Variants in GNRH2 observed in about 807,000 individuals in gnomAD.
GNRH2 encodes progonadoliberin-2.
GNRH2 carries 15 observed loss-of-function variants against 12.1 expected under a neutral mutation model. The ratio of observed to expected loss-of-function variants is 1.24; its 90% CI spans 0.83 to 1.90. GNRH2 has a LOEUF of 1.90. Among genes scored for constraint, GNRH2 ranks in the 40% most tolerant of loss-of-function variants. GNRH2 has a pLI of 0.00. For missense variants in GNRH2, 143 were observed against 141.4 expected (o/e 1.01, Z -0.06); for synonymous variants, 60 against 62.0 (o/e 0.97, Z 0.15).
At chr20:3,045,590 C>A in intron 3 of GNRH2, 96 bp from the exon 4 acceptor site, 1 of 1,054,502 alleles carries the variant, frequency 9.5e-7, no homozygotes, top group East Asian at 2.4e-5. Flanking sequence ...CACATGGGGA[C>A]TGGGGGGGAC....
intron 1 of GNRH2, 105 bp from the exon 2 acceptor site, chr20:3,044,302 TA>T (rs2065962357): frequency 4.7e-6 from 4 of 844,248 alleles, no homozygotes; most frequent in Non-Finnish European, 2.0e-6. Context: ...CATAAGGAGA[TA>T]CCAAAGCTGC....
chr20:3,044,591 G>A (rs2065967775), intron 2 of GNRH2, 23 bp downstream of exon 2: 1 of 1,612,232 alleles, frequency 6.2e-7, no homozygotes, highest in Non-Finnish European at 8.5e-7. Context: ...CAGCCTCATG[G>A]GGAGGAAGAA....
At position 3,044,473 on chromosome 20, in the gene GNRH2, C is replaced by G. The variant is rs1393800467; in HGVS notation, c.59C>G (p.Pro20Arg). The G allele has an allele frequency of 1.9e-5, 30 of 1,613,532 alleles. No homozygotes were observed. The highest frequency in any genetic ancestry group is 2.5e-5 in the Non-Finnish European group (30 of 1,179,700). ...CTGCTGCTGACTGCCCACCTTGGAC[C>G]CTCAGAGGCTCAGCACTGGTCCCAT... ...LLLLLTAHLG[P>R]SEAQHWSHGW... The change falls in exon 2 of 4, where the codon CCC (proline) becomes CGC (arginine). Residue 20 changes from proline (P) to arginine (R), a missense_variant. Transcript: ENST00000359100.
intron 2 of GNRH2, 46 bp downstream of exon 2, chr20:3,044,614 G>T (rs1458200169): frequency 6.2e-7 from 1 of 1,610,010 alleles, no homozygotes; most frequent in East Asian, 2.2e-5. Flanking sequence ...TGATGGCCGG[G>T]GGCTCCCCCA....
chr20:3,044,643 T>G, intron 2 of GNRH2, 57 bp from the exon 3 acceptor site: 1 of 1,607,374 alleles, frequency 6.2e-7, no homozygotes, highest in Non-Finnish European at 8.5e-7. Context: ...GAGCCTGAGG[T>G]CGGGGTAGGG....
Position 3,045,744 on chromosome 20 carries a change from C to T in GNRH2, c.*8C>T. 2 of 1,600,282 alleles carry T rather than the reference C, an allele frequency of 1.2e-6. No individual in the cohort carries two copies. Among genetic ancestry groups the T allele is most frequent in the Non-Finnish European group, 1.7e-6 (2 of 1,168,036 alleles). ...TCCTCCAATAAAGTGTGAGGTTCTCCGAAGCTGTTGCGTCGAGTTCTGTCC... is the reference window on the plus strand; with the variant it reads ...TCCTCCAATAAAGTGTGAGGTTCTCTGAAGCTGTTGCGTCGAGTTCTGTCC... On this transcript the variant is annotated 3_prime_UTR_variant, in exon 4 of 4. Transcript: ENST00000359100.
At position 3,044,847 on chromosome 20, in the gene GNRH2, TGA is replaced by T. The variant is rs767363584; in HGVS notation, c.291+15_291+16del. 2.5e-6 allele frequency: 4 copies of T among 1,591,940 alleles called. No homozygotes were observed. Among genetic ancestry groups the T allele is most frequent in the Non-Finnish European group, 3.4e-6 (4 of 1,163,794 alleles). ...GCACGGACACTGCTGGTGAGTAGGG[TGA>T]GAGGTCCCCAGCATCAAGACCAGCC... On this transcript the variant is annotated intron_variant, in intron 3 of 3. Coordinates refer to ENST00000359100, the MANE Select transcript of GNRH2 (RefSeq NM_178331.2).
chr20:3,043,987 G>T, intron 1 of GNRH2: 1 of 181,662 alleles, frequency 5.5e-6, no homozygotes. Flanking sequence ...CCCTAGCACT[G>T]GTGCTCCAAA....
intron 3 of GNRH2, among the ~76,000 whole-genome samples, chr20:3,045,344 GT>G (rs2065977561): frequency 6.6e-6 from 1 of 152,210 alleles, no homozygotes; most frequent in Non-Finnish European, 1.5e-5. Context: ...GTTTGCTACT[GT>G]TTTGCAAATC....
At position 3,045,693 on chromosome 20, in the gene GNRH2, C is replaced by A. The variant is rs1171266205; in HGVS notation, c.299C>A (p.Ala100Asp). 3 of 1,598,654 alleles carry A rather than the reference C, an allele frequency of 1.9e-6. No individual in the cohort carries two copies. The highest frequency in any genetic ancestry group is 1.3e-5 in the African/African-American group (1 of 74,420). The stretch of plus-strand genomic sequence containing the variant: ...CCACCTCTCCCTCCGCAGACCGCAG[C>A]CCGAGAGCCCCGCCCCGCCCCGCCA... ...RHLARTLLTA[A>D]REPRPAPPSS... The change falls in exon 4 of 4, where the codon GCC becomes GAC. Residue 100 changes from alanine (A) to aspartate (D), a missense_variant. By Grantham distance (126) the Ala-to-Asp change is moderately radical (BLOSUM62 -2). Coordinates refer to ENST00000359100, the MANE Select transcript of GNRH2 (RefSeq NM_178331.2).
At chr20:3,045,148 T>C (rs1350266534) in intron 3 of GNRH2, among the ~76,000 whole-genome samples, 1 of 152,128 alleles carries the variant, frequency 6.6e-6, no homozygotes, top group Non-Finnish European at 1.5e-5. Flanking sequence ...ACAGGCATCC[T>C]GACAAGCCAA....
At position 3,044,804 on chromosome 20, in the gene GNRH2, C is replaced by A; in HGVS notation, c.259C>A (p.His87Asn). The change falls in exon 3 of 4, where the codon CAC (histidine) becomes AAC (asparagine). Residue 87 changes from histidine (H) to asparagine (N), a missense_variant. By Grantham distance (68) the His-to-Asn change is moderately conservative. Transcript: ENST00000359100. ...EGRTTAQWSL[H>N]RKRHLARTLL... ...CAGGACCACGGCCCAGTGGTCCCTT[C>A]ACAGGAAGCGACACCTGGCACGGAC... 1.2e-6 allele frequency: 2 copies of A among 1,611,920 alleles called. No homozygotes were observed. Among genetic ancestry groups the A allele is most frequent in the Non-Finnish European group, 1.7e-6 (2 of 1,178,894 alleles).
At chr20:3,045,614 A>T (rs968015569) in intron 3 of GNRH2, 72 bp from the exon 4 acceptor site, 1 of 1,312,474 alleles carries the variant, frequency 7.6e-7, no homozygotes, top group African/African-American at 1.4e-5. Flanking sequence ...AGGGGAGAGA[A>T]CCAGGAAGAT....
chr20:3,045,626 G>C, intron 3 of GNRH2, 60 bp from the exon 4 acceptor site: 1 of 1,408,294 alleles, frequency 7.1e-7, no homozygotes, highest in African/African-American at 1.4e-5. Context: ...CAGGAAGATG[G>C]CAGCTCGGCG....
intron 3 of GNRH2, 56 bp downstream of exon 3, chr20:3,044,892 A>C: frequency 2.1e-6 from 3 of 1,460,224 alleles, no homozygotes; most frequent in Non-Finnish European, 2.8e-6. Context: ...ATCAGAGGCC[A>C]TTGTGGCTTA....
chr20:3,044,954 TGCCACAGCACCCCCA>T (rs1287831454), intron 3 of GNRH2, 118 bp downstream of exon 3: 2 of 756,840 alleles, frequency 2.6e-6, no homozygotes. Flanking sequence ...AGATGCCCCC[TGCCACAGCACCCCCA>T]GCCATTTCTC....
rs2065970125 is a variant in GNRH2 at position 3,044,716 on chromosome 20, G to A, written c.171G>A (p.Gln57=). 1 of 1,610,784 alleles carries A rather than the reference G, an allele frequency of 6.2e-7. No individual in the cohort carries two copies. ...ACACTGCAGCAGGCAGCCCAGTCCA[G>A]ACTGCCCATGGCCTCCCAAGTGATG... The part of the protein sequence containing the change: ...ALRPPAGSPV[Q]TAHGLPSDAL... Residue 57 remains glutamine (Q), a synonymous_variant, in exon 3 of 4, where the codon CAG becomes CAA. Coordinates refer to ENST00000359100, the MANE Select transcript of GNRH2 (RefSeq NM_178331.2).
intron 3 of GNRH2, 24 bp downstream of exon 3, chr20:3,044,860 G>C (rs1600306061): frequency 3.8e-6 from 6 of 1,582,064 alleles, no homozygotes; most frequent in Non-Finnish European, 5.2e-6. Context: ...GAGGTCCCCA[G>C]CATCAAGACC....
rs41309833 is a variant in GNRH2, at chr20:3,044,233, C to T, written c.-7-175C>T. ...GCATCATCCCCTGCTGGGCCAGGAT[C>T]CCCCAGGATCTGGACCCCTGTATGC... On this transcript the variant is annotated intron_variant, in intron 1 of 3. Coordinates refer to ENST00000359100, the MANE Select transcript of GNRH2 (RefSeq NM_178331.2). The T allele has an allele frequency of 3.6e-5, 21 of 578,844 alleles. 1 individual carries two copies. Among genetic ancestry groups the T allele is most frequent in the Non-Finnish European group, 5.9e-5 (19 of 323,752 alleles). The allele number at this position is 578,844 out of a possible 1,614,324, so 35.9% of individuals were successfully genotyped here. A position where few individuals can be genotyped will look rare whatever the true frequency, so the allele number is the denominator to read the frequency against.
Sources: gnomAD v4.1 joint callset for allele counts (sites outside exome capture counted in the v4.1 genomes callset) on GRCh38, gnomAD v4.1.1 for gene constraint, MANE v1.5 for transcripts, NCBI Gene and HGNC (gene_info 2026-07-23, HGNC 2026-07-21) for gene names.